The following HSPH1 variants were observed in gnomAD, a reference collection of about 807,000 sequenced individuals.
HSPH1 encodes the protein heat shock protein 105 kDa.
Under a neutral mutation model 100.0 loss-of-function variants are expected in HSPH1, and 40 were observed. The observed-to-expected ratio is 0.40, with a 90% CI of 0.31 to 0.52. The LOEUF (loss-of-function observed/expected upper bound fraction) is 0.52. Ranked by LOEUF, HSPH1 falls within the 20% of genes least tolerant of loss-of-function variation. The probability of loss-of-function intolerance (pLI) is 0.54; values close to 1 mark genes in which losing one functional copy is unlikely to be tolerated. For missense variants in HSPH1, 876 were observed against 1,015.1 expected (o/e 0.86, Z 1.86); for synonymous variants, 403 against 344.0 (o/e 1.17, Z -1.90).
chr13:31,137,204 A>C lies in HSPH1; in HGVS notation c.*114T>G. 1 of 765,514 alleles carries C rather than the reference A, an allele frequency of 1.3e-6. No individual in the cohort carries two copies. 47.4% of individuals were successfully genotyped at this position (765,514 alleles called of 1,614,324 possible). The stretch of plus-strand genomic sequence containing the variant: ...TTTCTTTTTCCATATAATACACAAA[A>C]TTTCTAAATATCCTTAAAAAAGAAA... On this transcript the variant is annotated 3_prime_UTR_variant, in exon 18 of 18. Coordinates refer to ENST00000320027, the MANE Select transcript of HSPH1 (RefSeq NM_006644.4).
Position 31,150,123 on chromosome 13 carries a change from G to T in HSPH1, c.968C>A (p.Ser323Ter). The change falls in exon 8 of 18, where the codon TCA (serine) becomes TAA (stop). Residue 323 changes from serine (S) to a stop codon, truncating the protein, a stop_gained. Transcript: ENST00000320027. LOFTEE classifies it high-confidence loss of function. ...TTTGAGATGAGTTTGTTCCAACAGT[G>T]AATAAAGGGGTACTTCTATCTTTTG... The part of the protein sequence containing the change: ...LLQKIEVPLY[S>*]LLEQTHLKVE... 6.2e-7 allele frequency: 1 copy of T among 1,612,492 alleles called. No individual in the cohort carries two copies. Among genetic ancestry groups the T allele is most frequent in the Non-Finnish European group, 8.5e-7 (1 of 1,178,808 alleles).
chr13:31,152,857 G>A lies in HSPH1; in HGVS notation c.524C>T (p.Thr175Ile). 8.7e-6 allele frequency: 14 copies of A among 1,604,984 alleles called. No homozygotes were observed. The highest frequency in any genetic ancestry group is 1.2e-5 in the Non-Finnish European group (14 of 1,172,012). ...CACAAATGCCTTTTCCTTACCAGCT[G>A]TCATGTCATTCATAAGTCTTAAACA... ...LNCLRLMNDM[T>I]AVALNYGIYK... The change falls in exon 5 of 18, where the codon ACA becomes ATA. Residue 175 changes from threonine to isoleucine, a missense_variant. Thr to Ile is a moderately conservative substitution (Grantham distance 89). Coordinates refer to ENST00000320027, the MANE Select transcript of HSPH1 (RefSeq NM_006644.4).
chr13:31,139,181 T>C, intron 14 of HSPH1, 74 bp from the exon 15 acceptor site: 1 of 918,666 alleles, frequency 1.1e-6, no homozygotes, highest in South Asian at 1.3e-5. Flanking sequence ...AGAGGTATTC[T>C]CACACTAGGT....
intron 2 of HSPH1, among the ~76,000 whole-genome samples, chr13:31,158,288 C>T (rs1033394631): frequency 6.6e-6 from 1 of 152,150 alleles, no homozygotes; most frequent in African/African-American, 2.4e-5. Context: ...CGTAGGCTCA[C>T]ACCTGTAATC....
At chr13:31,148,310 G>C (rs978847501) in intron 9 of HSPH1, 64 bp downstream of exon 9, 61 of 1,101,632 alleles carry the variant, frequency 5.5e-5, no homozygotes, top group Non-Finnish European at 7.2e-5. Flanking sequence ...CTCTACTAGA[G>C]AAGTCATTTG....
At chr13:31,142,710 T>C (rs1307969661) in intron 12 of HSPH1, among the ~76,000 whole-genome samples, 1 of 152,036 alleles carries the variant, frequency 6.6e-6, no homozygotes, top group African/African-American at 2.4e-5. Context: ...TCCAAAAGGT[T>C]TGAGACTAGT....
At chr13:31,143,354 TA>T (rs1956164884) in intron 12 of HSPH1, among the ~76,000 whole-genome samples, 3 of 152,232 alleles carry the variant, frequency 2.0e-5, no homozygotes, top group Admixed American at 1.3e-4. Context: ...TCACCATAAT[TA>T]ATTTACTTAA....
At chr13:31,152,450 A>C (rs1464676735) in intron 5 of HSPH1, 1 of 182,856 alleles carries the variant, frequency 5.5e-6, no homozygotes, top group Non-Finnish European at 1.1e-5. Context: ...GCAATATTTG[A>C]TAAATGATCA....
At chr13:31,152,584 C>T (rs1274436184) in intron 5 of HSPH1, 2 of 235,310 alleles carry the variant, frequency 8.5e-6, no homozygotes, top group East Asian at 1.1e-4. Context: ...ACTATAAATG[C>T]AATGTAAGGA....
intron 10 of HSPH1, among the ~76,000 whole-genome samples, chr13:31,146,359 T>C (rs1478301175): frequency 6.6e-6 from 1 of 152,174 alleles, no homozygotes; most frequent in Non-Finnish European, 1.5e-5. Flanking sequence ...CTCTTATAAC[T>C]ATTTTAACAC....
intron 1 of HSPH1, among the ~76,000 whole-genome samples, chr13:31,159,621 G>A (rs958728908): frequency 3.9e-5 from 6 of 152,134 alleles, no homozygotes; most frequent in African/African-American, 1.4e-4. Context: ...AGTGAATTAG[G>A]TTTTGGATTA....
At position 31,143,940 on chromosome 13, in the gene HSPH1, G is replaced by C. The variant is rs756734617; in HGVS notation, c.1585-17C>G. ...GACATTTTTCTGAAATGAAAGCCCA[G>C]GCACAAAGGATGTAGAAAGCAGGTG... On this transcript the variant is annotated splice_polypyrimidine_tract_variant and intron_variant, in intron 11 of 17. Coordinates refer to ENST00000320027, the MANE Select transcript of HSPH1 (RefSeq NM_006644.4). 1.3e-6 allele frequency: 2 copies of C among 1,573,862 alleles called. No homozygotes were observed. Among genetic ancestry groups the C allele is most frequent in the South Asian group, 2.4e-5 (2 of 84,866 alleles).
intron 2 of HSPH1, among the ~76,000 whole-genome samples, chr13:31,156,213 AC>A (rs1956684866): frequency 2.6e-5 from 4 of 152,032 alleles, no homozygotes; most frequent in Admixed American, 2.6e-4. Context: ...ACACGGTGAA[AC>A]CCCGTCTCTA....
At position 31,136,024 on chromosome 13, in the gene HSPH1, A is replaced by G. The variant is rs1404995172; in HGVS notation, c.*1294T>C. The G allele has an allele frequency of 1.3e-5, 2 of 151,694 alleles. No homozygotes were observed. The highest frequency in any genetic ancestry group is 1.5e-5 in the Non-Finnish European group (1 of 67,770). 9.4% of individuals were successfully genotyped at this position (151,694 alleles called of 1,614,324 possible). On this transcript the variant is annotated 3_prime_UTR_variant, in exon 18 of 18. Transcript: ENST00000320027. ...CCCCAGCTCTACCAAAAAAAAAAAAAGAATAAACTGTTGCACCCTAGTGAG... is the reference window on the plus strand; with the variant it reads ...CCCCAGCTCTACCAAAAAAAAAAAAGGAATAAACTGTTGCACCCTAGTGAG...
chr13:31,148,445 T>C lies in HSPH1; in HGVS notation c.1173A>G (p.Glu391=). The change falls in exon 9 of 18, where the codon GAA becomes GAG. Residue 391 remains glutamate (E), a synonymous_variant. Transcript: ENST00000320027. ...AAGGAACTGCATCTGTGACGGAAAA[T>C]TCTCTAACTTTAAATGCCGGGGAAA... ...AILSPAFKVR[E]FSVTDAVPFP... is the part of the protein sequence containing the mutation. 3 of 1,566,126 alleles carry C rather than the reference T, an allele frequency of 1.9e-6. No individual in the cohort carries two copies. The highest frequency in any genetic ancestry group is 2.6e-6 in the Non-Finnish European group (3 of 1,160,978).
chr13:31,150,897 C>T, intron 7 of HSPH1, 50 bp downstream of exon 7: 1 of 1,551,940 alleles, frequency 6.4e-7, no homozygotes, highest in South Asian at 1.2e-5. Flanking sequence ...ACCTGGGCTA[C>T]AGTTTCAAAA....
intron 9 of HSPH1, 127 bp from the exon 10 acceptor site, chr13:31,148,219 TGA>T (rs1418285812): frequency 2.7e-6 from 3 of 1,131,458 alleles, no homozygotes; most frequent in Admixed American, 5.0e-5. Flanking sequence ...AATACCAAAA[TGA>T]GAGAAATATT....
rs185897732 is a variant in HSPH1, at chr13:31,138,975, C to A, written c.2088+25G>T. On this transcript the variant is annotated intron_variant, in intron 15 of 17. Coordinates refer to ENST00000320027, the MANE Select transcript of HSPH1 (RefSeq NM_006644.4). ...TCTATAGTTTAAAACACAAGTACCA[C>A]CTTTTGGGGGAGAAAACGACCTACC... 28 of 1,590,728 alleles carry A rather than the reference C, an allele frequency of 1.8e-5. No homozygotes were observed. In the East Asian group the frequency reaches 5.4e-4, roughly 30 times the overall value.
chr13:31,160,615 G>A (rs1262413512), intron 1 of HSPH1, among the ~76,000 whole-genome samples: 5 of 152,148 alleles, frequency 3.3e-5, no homozygotes, highest in Admixed American at 6.5e-5. Flanking sequence ...TTTTTAAAAT[G>A]TTGCCCTTTG....
Sources: allele counts gnomAD v4.1 joint callset (sites outside exome capture counted in the v4.1 genomes callset), GRCh38; gene constraint gnomAD v4.1.1; transcripts MANE v1.5; gene names NCBI Gene and HGNC (gene_info 2026-07-23, HGNC 2026-07-21).